Variants in GRIA1 observed in about 807,000 individuals in gnomAD.
The protein encoded by GRIA1 is glutamate ionotropic receptor AMPA type subunit 1.
GRIA1 carries 31 observed loss-of-function variants against 99.2 expected under a neutral mutation model. That is an observed-to-expected ratio of 0.31 (90% CI 0.23 to 0.42). GRIA1 has a LOEUF of 0.42. Ranked by LOEUF, GRIA1 falls within the 10% of genes least tolerant of loss-of-function variation. The probability of loss-of-function intolerance (pLI) is 1.00; values close to 1 mark genes in which losing one functional copy is unlikely to be tolerated. For synonymous variants in GRIA1, 438 were observed against 432.4 expected (o/e 1.01, Z -0.16); for missense variants, 782 against 1,157.5 (o/e 0.68, Z 4.71).
chr5:153,763,281 C>A (rs1445216020), intron 11 of GRIA1, among the ~76,000 whole-genome samples: 1 of 152,144 alleles, frequency 6.6e-6, no homozygotes, highest in Non-Finnish European at 1.5e-5. Flanking sequence ...AACAGAGCAG[C>A]CAACAGGCCC....
At chr5:153,690,185 T>C (rs1477894326) in intron 8 of GRIA1, among the ~76,000 whole-genome samples, 2 of 152,090 alleles carry the variant, frequency 1.3e-5, no homozygotes, top group Admixed American at 1.3e-4. Flanking sequence ...ATTTTCTGGT[T>C]GGTGCGTAAA....
At position 153,546,598 on chromosome 5, in the gene GRIA1, T is replaced by C. The variant is rs536947306; in HGVS notation, c.220+52533T>C. On this transcript the variant is annotated intron_variant, in intron 2 of 15. Coordinates refer to ENST00000285900, the MANE Select transcript of GRIA1 (RefSeq NM_000827.4). The stretch of plus-strand genomic sequence containing the variant: ...TTCCAACAGTCATGGGAAGCAGGTA[T>C]GGGGAACGTCTTACAGATGAAGAAA... Among the ~76,000 whole-genome samples the C allele has an allele frequency of 1.7e-3, 259 of 152,218 alleles. 2 individuals carry two copies. The highest frequency in any genetic ancestry group is 5.7e-3 in the African/African-American group (237 of 41,544).
intron 11 of GRIA1, among the ~76,000 whole-genome samples, chr5:153,745,533 G>A (rs1353341236): frequency 1.4e-5 from 2 of 144,234 alleles, no homozygotes; most frequent in Admixed American, 7.3e-5. Context: ...AGGTTACAGT[G>A]AGCCGAGTTC....
chr5:153,556,672 C>T lies in GRIA1; in HGVS notation c.220+62607C>T, dbSNP rs1045955992. 3.3e-5 allele frequency among the ~76,000 whole-genome samples: 5 copies of T among 152,214 alleles called. No individual in the cohort carries two copies. In the South Asian group the frequency reaches 6.2e-4, roughly 19 times the overall value. On this transcript the variant is annotated intron_variant, in intron 2 of 15. Transcript: ENST00000285900. ...ATAAGCAGGTGTGTTCTAGATATTTCGAAAGGCCCTTCCACTTTAAAACTT... is the reference window on the plus strand; with the variant it reads ...ATAAGCAGGTGTGTTCTAGATATTTTGAAAGGCCCTTCCACTTTAAAACTT...
At chr5:153,615,094 A>C (rs1473998624) in intron 2 of GRIA1, among the ~76,000 whole-genome samples, 12 of 152,128 alleles carry the variant, frequency 7.9e-5, no homozygotes, top group Admixed American at 7.9e-4. Flanking sequence ...TAGGATAAAA[A>C]CTCCAATAAT....
chr5:153,662,881 C>A (rs1191827665), intron 5 of GRIA1, among the ~76,000 whole-genome samples: 2 of 152,176 alleles, frequency 1.3e-5, no homozygotes, highest in African/African-American at 4.8e-5. Context: ...CCCCACTGTG[C>A]CCCTCTCAAG....
intron 13 of GRIA1, among the ~76,000 whole-genome samples, chr5:153,784,315 A>T (rs1000528070): frequency 6.6e-6 from 1 of 152,108 alleles, no homozygotes; most frequent in African/African-American, 2.4e-5. Flanking sequence ...TTGATCAGAG[A>T]TGAATGAGGT....
At chr5:153,797,690 G>A (rs919141480) in intron 14 of GRIA1, among the ~76,000 whole-genome samples, 2 of 152,184 alleles carry the variant, frequency 1.3e-5, no homozygotes, top group Non-Finnish European at 2.9e-5. Context: ...ATGCAATTTT[G>A]TTTTGAGTCA....
In GRIA1 at chr5:153,701,619, C is replaced by CAAAAAAAAAAAAAAAAAAAA. The variant is rs70978504; in HGVS notation, c.1452+2550_1452+2569dup. On this transcript the variant is annotated intron_variant, in intron 10 of 15. Transcript: ENST00000285900. The stretch of plus-strand genomic sequence containing the variant: ...CTGGGCGACAAAGCGAGACCCGTCT[C>CAAAAAAAAAAAAAAAAAAAA]AAAAAAAAAAAAAAAAAAAAAAATA... Among the ~76,000 whole-genome samples, 67 of 39,410 alleles carry CAAAAAAAAAAAAAAAAAAAA rather than the reference C, an allele frequency of 1.7e-3. 12 individuals carry two copies. The highest frequency in any genetic ancestry group is 0.013 in the East Asian group (7 of 540). 25.9% of individuals were successfully genotyped at this position (39,410 alleles called of 152,430 possible).
intron 11 of GRIA1, among the ~76,000 whole-genome samples, chr5:153,728,222 A>C (rs1487018857): frequency 6.6e-6 from 1 of 152,210 alleles, no homozygotes; most frequent in African/African-American, 2.4e-5. Context: ...CACCTTATAC[A>C]AAAATTAATT....
At chr5:153,665,391 T>A (rs1484740963) in intron 5 of GRIA1, among the ~76,000 whole-genome samples, 4 of 152,202 alleles carry the variant, frequency 2.6e-5, no homozygotes, top group Non-Finnish European at 5.9e-5. Context: ...TTTTTTCTTC[T>A]CAATATTTAT....
intron 11 of GRIA1, among the ~76,000 whole-genome samples, chr5:153,759,536 C>T (rs1763042968): frequency 1.3e-5 from 2 of 151,850 alleles, no homozygotes; most frequent in African/African-American, 4.8e-5. Flanking sequence ...AGACCAATAA[C>T]AAGCAAGGAG....
chr5:153,719,118 G>A (rs1759868420), intron 11 of GRIA1, among the ~76,000 whole-genome samples: 1 of 152,164 alleles, frequency 6.6e-6, no homozygotes, highest in African/African-American at 2.4e-5. Context: ...CAAGAGTGAT[G>A]GATATTGGCT....
At chr5:153,563,427 T>C (rs1366435442) in intron 2 of GRIA1, among the ~76,000 whole-genome samples, 1 of 152,174 alleles carries the variant, frequency 6.6e-6, no homozygotes, top group Non-Finnish European at 1.5e-5. Flanking sequence ...CTTTTCTTCC[T>C]TTTTTACTTC....
intron 2 of GRIA1, among the ~76,000 whole-genome samples, chr5:153,600,020 C>T (rs930592354): frequency 6.6e-6 from 1 of 152,230 alleles, no homozygotes; most frequent in African/African-American, 2.4e-5. Flanking sequence ...CACGGAGGCA[C>T]TGCGCACCTT....
At chr5:153,620,314 A>C (rs1422149087) in intron 2 of GRIA1, among the ~76,000 whole-genome samples, 1 of 150,338 alleles carries the variant, frequency 6.7e-6, no homozygotes, top group Non-Finnish European at 1.5e-5. Flanking sequence ...TTTTGCACCC[A>C]TGCTTAGAGA....
At chr5:153,753,457 G>C (rs778346023) in intron 11 of GRIA1, among the ~76,000 whole-genome samples, 4 of 152,160 alleles carry the variant, frequency 2.6e-5, no homozygotes, top group Non-Finnish European at 5.9e-5. Context: ...GGTGAGGGAG[G>C]TAGTGTCCTG....
chr5:153,633,441 T>C (rs1753118496), intron 2 of GRIA1, among the ~76,000 whole-genome samples: 1 of 152,182 alleles, frequency 6.6e-6, no homozygotes, highest in Non-Finnish European at 1.5e-5. Context: ...TTGAGAAACT[T>C]TGAAAAGCGA....
At chr5:153,740,712 T>C (rs141188565) in intron 11 of GRIA1, among the ~76,000 whole-genome samples, 164 of 152,322 alleles carry the variant, frequency 1.1e-3, no homozygotes, top group African/African-American at 3.7e-3. Context: ...ATACTGATGC[T>C]AGTTGCAGAC....
Sources: gnomAD v4.1 joint callset for allele counts (sites outside exome capture counted in the v4.1 genomes callset) on GRCh38, gnomAD v4.1.1 for gene constraint, MANE v1.5 for transcripts, NCBI Gene and HGNC (gene_info 2026-07-23, HGNC 2026-07-21) for gene names.